Variants in IRAG1 observed in about 807,000 individuals in gnomAD.
IRAG1 encodes inositol 1,4,5-triphosphate receptor associated 1.
IRAG1 carries 62 observed loss-of-function variants against 106.2 expected under a neutral mutation model. That is an observed-to-expected ratio of 0.58 (90% CI 0.48 to 0.72). IRAG1 has a LOEUF of 0.72. Among genes scored for constraint, IRAG1 ranks in the 30% least tolerant of loss-of-function variants. The pLI, the probability that IRAG1 is intolerant of heterozygous loss-of-function variation, is 0.00. For synonymous variants in IRAG1, 462 were observed against 443.9 expected (o/e 1.04, Z -0.51); for missense variants, 1,064 against 1,140.7 (o/e 0.93, Z 0.97).
At chr11:10,601,396 G>A (rs981843759) in intron 14 of IRAG1, among the ~76,000 whole-genome samples, 3 of 152,252 alleles carry the variant, frequency 2.0e-5, no homozygotes, top group African/African-American at 7.2e-5. Flanking sequence ...GACAAGGGCA[G>A]GAGGGACACA....
intron 10 of IRAG1, among the ~76,000 whole-genome samples, chr11:10,614,307 T>TA (rs1477727099): frequency 6.6e-6 from 1 of 152,128 alleles, no homozygotes; most frequent in African/African-American, 2.4e-5. Context: ...CATACCTGAT[T>TA]AAAACAAATG....
Position 10,604,545 on chromosome 11 carries a change from T to G in IRAG1, c.1603A>C (p.Asn535His). The change falls in exon 13 of 21, where the codon AAC (asparagine) becomes CAC (histidine). Residue 535 changes from asparagine (N) to histidine (H), a missense_variant and splice_region_variant. Physicochemically the swap from Asn to His is moderately conservative, Grantham distance 68. Coordinates refer to ENST00000423302, the MANE Select transcript of IRAG1 (RefSeq NM_130385.4). ...GCCAAGGACAGTTGCACAAACACGTTCTGTTGGGAACAAGGGTGTGAGAGA... is the reference window on the plus strand; with the variant it reads ...GCCAAGGACAGTTGCACAAACACGTGCTGTTGGGAACAAGGGTGTGAGAGA... ...APPLTEKEVE[N>H]VFVQLSLAFR... The G allele has an allele frequency of 1.2e-6, 2 of 1,614,004 alleles. No homozygotes were observed. The highest frequency in any genetic ancestry group is 1.7e-6 in the Non-Finnish European group (2 of 1,179,884).
intron 10 of IRAG1, among the ~76,000 whole-genome samples, chr11:10,614,695 G>C (rs1390005195): frequency 6.6e-6 from 1 of 152,212 alleles, no homozygotes; most frequent in Non-Finnish European, 1.5e-5. Context: ...ATGGGGAAAG[G>C]AGTCCTATTT....
chr11:10,655,680 T>A (rs1858864175), intron 1 of IRAG1, among the ~76,000 whole-genome samples: 1 of 152,158 alleles, frequency 6.6e-6, no homozygotes, highest in South Asian at 2.1e-4. Context: ...TACAACAAAC[T>A]GAAAGACCTG....
At chr11:10,591,730 C>T in intron 17 of IRAG1, 118 bp from the exon 18 acceptor site, 2 of 884,258 alleles carry the variant, frequency 2.3e-6, no homozygotes, top group Non-Finnish European at 3.7e-6. Context: ...TTCCTCCATG[C>T]CCCCACTTTC....
At position 10,617,322 on chromosome 11, in the gene IRAG1, C is replaced by T. The variant is rs551333292; in HGVS notation, c.1447+6456G>A. 61 of 315,594 alleles carry T rather than the reference C, an allele frequency of 1.9e-4. No individual in the cohort carries two copies. The South Asian group carries it at 7.1e-3, about 37-fold the overall frequency. The allele number at this position is 315,594 out of a possible 1,614,324, so 19.5% of individuals were successfully genotyped here. A position where few individuals can be genotyped will look rare whatever the true frequency, so the allele number is the denominator to read the frequency against. On this transcript the variant is annotated intron_variant, in intron 10 of 20. Coordinates refer to ENST00000423302, the MANE Select transcript of IRAG1 (RefSeq NM_130385.4). ...TGCAAATAAAAAATAGCTTAAACAC[C>T]TCCTTCCCCACAAATACAGAAGGAG... is the stretch of plus-strand genomic sequence containing the variant.
At position 10,659,938 on chromosome 11, in the gene IRAG1, A is replaced by G. The variant is rs887869029; in HGVS notation, c.68-7756T>C. 2.0e-5 allele frequency among the ~76,000 whole-genome samples: 3 copies of G among 152,142 alleles called. No individual in the cohort carries two copies. The highest frequency in any genetic ancestry group is 7.2e-5 in the African/African-American group (3 of 41,424). On this transcript the variant is annotated intron_variant, in intron 1 of 20. Coordinates refer to ENST00000423302, the MANE Select transcript of IRAG1 (RefSeq NM_130385.4). This position sits in a 1 kb window ranked among gnomAD's most constrained non-coding sequence, Gnocchi z 4.1. The stretch of plus-strand genomic sequence containing the variant: ...TGACATGAGTCATCATCCTGGGGTC[A>G]AGGACCACACGGCATTCTGGGTCTG...
In IRAG1 at chr11:10,693,717, C is replaced by G; in HGVS notation, c.-115G>C. 8.0e-7 allele frequency: 1 copy of G among 1,242,896 alleles called. No homozygotes were observed. Among genetic ancestry groups the G allele is most frequent in the African/African-American group, 1.5e-5 (1 of 66,748 alleles). The allele number at this position is 1,242,896 out of a possible 1,614,324, so 77.0% of individuals were successfully genotyped here. A position where few individuals can be genotyped will look rare whatever the true frequency, so the allele number is the denominator to read the frequency against. On this transcript the variant is annotated 5_prime_UTR_variant, in exon 1 of 21. Transcript: ENST00000423302. ...CTGGGACTTAGAGCCGAGAGCTCCT[C>G]TGGGAGCCCCACTCCGGCCTGGCTC... is the stretch of plus-strand genomic sequence containing the variant.
rs543916356 is a variant in IRAG1 at position 10,693,667 on chromosome 11, G to C, written c.-65C>G. The C allele has an allele frequency of 1.3e-6, 2 of 1,510,446 alleles. No homozygotes were observed. The highest frequency in any genetic ancestry group is 1.2e-5 in the South Asian group (1 of 83,396). 93.6% of individuals were successfully genotyped at this position (1,510,446 alleles called of 1,614,324 possible). A position where few individuals can be genotyped will look rare whatever the true frequency, so the allele number is the denominator to read the frequency against. On this transcript the variant is annotated 5_prime_UTR_variant, in exon 1 of 21. Coordinates refer to ENST00000423302, the MANE Select transcript of IRAG1 (RefSeq NM_130385.4). ...GAGAAGCCTCTGGCTGCAGAACCTC[G>C]GCCGCACGCCTCCTCTGAGAGGGGC...
chr11:10,649,563 G>A (rs1414163299), intron 2 of IRAG1, among the ~76,000 whole-genome samples: 4 of 152,192 alleles, frequency 2.6e-5, no homozygotes, highest in African/African-American at 9.7e-5. Flanking sequence ...TGGTATGACT[G>A]CACAGTTTAC....
At chr11:10,606,240 G>A (rs1358536621) in intron 12 of IRAG1, among the ~76,000 whole-genome samples, 1 of 152,084 alleles carries the variant, frequency 6.6e-6, no homozygotes, top group Non-Finnish European at 1.5e-5. Context: ...TCACAACCCC[G>A]CTGGGACAAG....
At chr11:10,598,189 A>G (rs758438265) in intron 15 of IRAG1, among the ~76,000 whole-genome samples, 1 of 152,164 alleles carries the variant, frequency 6.6e-6, no homozygotes, top group Non-Finnish European at 1.5e-5. Flanking sequence ...ACCACAGGCA[A>G]GTGCAAAAGC....
chr11:10,593,362 T>G, intron 17 of IRAG1, 130 bp downstream of exon 17: 5 of 662,002 alleles, frequency 7.6e-6, no homozygotes, highest in East Asian at 5.8e-5. Flanking sequence ...ATCACTCAGA[T>G]TCTATTCTGG....
chr11:10,620,193 A>G (rs368865191), intron 10 of IRAG1, among the ~76,000 whole-genome samples: 3 of 152,320 alleles, frequency 2.0e-5, no homozygotes, highest in African/African-American at 7.2e-5. Flanking sequence ...AAAAAAGTGG[A>G]AATATTATTA....
intron 2 of IRAG1, among the ~76,000 whole-genome samples, chr11:10,635,370 T>C (rs1470025416): frequency 6.6e-6 from 1 of 152,196 alleles, no homozygotes; most frequent in Non-Finnish European, 1.5e-5. Flanking sequence ...TCCCAGAGCA[T>C]GTTGCTGCCA....
chr11:10,609,963 C>A (rs1854805858), intron 10 of IRAG1, 112 bp from the exon 11 acceptor site: 2 of 1,016,434 alleles, frequency 2.0e-6, no homozygotes, highest in South Asian at 1.8e-5. Context: ...ATGTTAAGGG[C>A]TTTTTAATTG....
intron 1 of IRAG1, among the ~76,000 whole-genome samples, chr11:10,655,829 T>C (rs1310898158): frequency 1.3e-5 from 2 of 152,028 alleles, no homozygotes; most frequent in Non-Finnish European, 2.9e-5. Context: ...GAAAGCAGAA[T>C]AGAACAAATG....
intron 1 of IRAG1, among the ~76,000 whole-genome samples, chr11:10,664,598 G>A (rs1021904959): frequency 4.6e-5 from 7 of 152,180 alleles, no homozygotes; most frequent in African/African-American, 7.2e-5. Context: ...TCAAGTTCAC[G>A]TTGCCTATTG....
intron 1 of IRAG1, 99 bp from the exon 2 acceptor site, chr11:10,652,281 G>C: frequency 1.3e-6 from 2 of 1,552,740 alleles, no homozygotes; most frequent in African/African-American, 1.4e-5. Context: ...GAGCCGGCTT[G>C]AGTTTGCATC....
Sources: gnomAD v4.1 joint callset for allele counts (sites outside exome capture counted in the v4.1 genomes callset) on GRCh38, gnomAD v4.1.1 for gene constraint, Gnocchi (gnomAD v3.1) non-coding constraint, MANE v1.5 for transcripts, NCBI Gene and HGNC (gene_info 2026-07-23, HGNC 2026-07-21) for gene names.